Variants in EDA observed in about 807,000 individuals in gnomAD.
EDA encodes ectodysplasin A.
EDA carries 2 observed loss-of-function variants against 23.6 expected under a neutral mutation model. The observed-to-expected ratio is 0.08, with a 90% CI of 0.03 to 0.27. The LOEUF is 0.27. Among genes scored for constraint, EDA ranks in the 10% least tolerant of loss-of-function variants. The probability of loss-of-function intolerance (pLI) is 1.00; values close to 1 mark genes in which losing one functional copy is unlikely to be tolerated. For missense variants in EDA, 229 were observed against 324.2 expected (o/e 0.71, Z 2.26); for synonymous variants, 131 against 132.0 (o/e 0.99, Z 0.05).
rs1382629294 is a variant in EDA at position 69,616,188 on chromosome X, G to C, written c.-121G>C. On this transcript the variant is annotated 5_prime_UTR_variant, in exon 1 of 8. Transcript: ENST00000374552. ...CGTCCCGCCCAGCCACTGTCGCGCAGGAACGGGTCCCTGCAGCCCCCAGCC... is the reference window on the plus strand; with the variant it reads ...CGTCCCGCCCAGCCACTGTCGCGCACGAACGGGTCCCTGCAGCCCCCAGCC... 1 of 871,236 alleles carries C rather than the reference G, an allele frequency of 1.1e-6. No homozygotes were observed. The highest frequency in any genetic ancestry group is 3.4e-5 in the East Asian group (1 of 29,053). 71.8% of individuals were successfully genotyped at this position (871,236 alleles called of 1,213,427 possible). A position where few individuals can be genotyped will look rare whatever the true frequency, so the allele number is the denominator to read the frequency against.
chrX:69,771,715 A>G (rs992885517), intron 1 of EDA, among the ~76,000 whole-genome samples: 2 of 112,030 alleles, frequency 1.8e-5, no homozygotes, highest in African/African-American at 6.5e-5. Flanking sequence ...TAGATTGGGC[A>G]TATTTTTATG....
chrX:69,916,396 C>CTTTTTTTTTTT (rs782071176), intron 1 of EDA, among the ~76,000 whole-genome samples: 3 of 58,153 alleles, frequency 5.2e-5, no homozygotes, highest in Non-Finnish European at 9.0e-5. Context: ...CTCTACTGTT[C>CTTTTTTTTTTT]TTTTTTTTTT....
At chrX:69,721,575 T>G (rs1251307428) in intron 1 of EDA, among the ~76,000 whole-genome samples, 1 of 110,910 alleles carries the variant, frequency 9.0e-6, no homozygotes, top group African/African-American at 3.3e-5. Flanking sequence ...TCCCAATTGA[T>G]CCACCGTGCT....
chrX:69,932,767 ACTCT>A (rs1261905134), intron 1 of EDA, among the ~76,000 whole-genome samples: 1 of 111,144 alleles, frequency 9.0e-6, no homozygotes, highest in Non-Finnish European at 1.9e-5. Context: ...ATTACCTTTC[ACTCT>A]ATTAACTGTT....
chrX:69,804,965 G>T (rs1232943361), intron 1 of EDA, among the ~76,000 whole-genome samples: 1 of 111,253 alleles, frequency 9.0e-6, no homozygotes, highest in Non-Finnish European at 1.9e-5. Context: ...TGAGGAAACT[G>T]AGGATCAGAG....
At chrX:69,762,318 C>A (rs957218063) in intron 1 of EDA, among the ~76,000 whole-genome samples, 3 of 112,078 alleles carry the variant, frequency 2.7e-5, no homozygotes, top group African/African-American at 9.7e-5. Context: ...AAGTTGCAGA[C>A]ATTTTCTTTG....
intron 1 of EDA, among the ~76,000 whole-genome samples, chrX:69,733,482 C>T (rs2013122981): frequency 8.9e-6 from 1 of 111,919 alleles, no homozygotes; most frequent in Admixed American, 9.5e-5. Context: ...GGTACCAGTA[C>T]CATGCTGTTT....
At chrX:69,857,760 T>C (rs928817807) in intron 1 of EDA, among the ~76,000 whole-genome samples, 53 of 110,599 alleles carry the variant, frequency 4.8e-4, no homozygotes, top group African/African-American at 1.7e-3. Context: ...TTTTATCTAG[T>C]TCTGTGAAAA....
intron 1 of EDA, among the ~76,000 whole-genome samples, chrX:69,651,325 T>G (rs1396455248): frequency 9.0e-6 from 1 of 111,526 alleles, no homozygotes; most frequent in Non-Finnish European, 1.9e-5. Context: ...CTAGAATAGT[T>G]GGATGTTCTT....
chrX:69,836,033 T>A (rs1306426066), intron 1 of EDA, among the ~76,000 whole-genome samples: 1 of 112,225 alleles, frequency 8.9e-6, no homozygotes, highest in Non-Finnish European at 1.9e-5. Flanking sequence ...TGCCTGGGTA[T>A]CACCAGTGGA....
At chrX:69,968,335 G>A (rs1006588792) in intron 2 of EDA, among the ~76,000 whole-genome samples, 1 of 111,846 alleles carries the variant, frequency 8.9e-6, no homozygotes, top group Non-Finnish European at 1.9e-5. Flanking sequence ...TGTTTTGGAA[G>A]GTGAATGGGA....
chrX:69,787,418 G>T (rs1160152746), intron 1 of EDA, among the ~76,000 whole-genome samples: 5 of 106,230 alleles, frequency 4.7e-5, no homozygotes, highest in Non-Finnish European at 9.8e-5. Context: ...ATGATTTTGT[G>T]GTGGCTGGTA....
intron 1 of EDA, among the ~76,000 whole-genome samples, chrX:69,892,700 A>G (rs2017951897): frequency 8.9e-6 from 1 of 112,168 alleles, no homozygotes; most frequent in South Asian, 3.7e-4. Context: ...AATTTCAAAT[A>G]AAAGGTTGAA....
intron 1 of EDA, among the ~76,000 whole-genome samples, chrX:69,858,394 T>A (rs752845698): frequency 8.9e-6 from 1 of 112,066 alleles, no homozygotes; most frequent in Non-Finnish European, 1.9e-5. Flanking sequence ...TTTTTAGGTA[T>A]GCTTCTTCAA....
chrX:70,024,888 T>A (rs192140738), intron 3 of EDA, among the ~76,000 whole-genome samples: 1 of 112,350 alleles, frequency 8.9e-6, no homozygotes, highest in East Asian at 2.8e-4. Context: ...TAACACTACA[T>A]AGGGTATGTT....
chrX:69,802,883 G>A (rs190613869), intron 1 of EDA, among the ~76,000 whole-genome samples: 163 of 111,935 alleles, frequency 1.5e-3, no homozygotes, highest in African/African-American at 5.1e-3. Context: ...CACATTGTGT[G>A]TACATTGTTT....
chrX:69,683,653 T>C (rs771418779), intron 1 of EDA, among the ~76,000 whole-genome samples: 2 of 111,727 alleles, frequency 1.8e-5, no homozygotes, highest in Non-Finnish European at 3.8e-5. Flanking sequence ...AACGGCAGAC[T>C]GTGTCTTACT....
intron 1 of EDA, among the ~76,000 whole-genome samples, chrX:69,863,155 T>C (rs1274454660): frequency 9.1e-6 from 1 of 110,124 alleles, no homozygotes; most frequent in Non-Finnish European, 1.9e-5. Context: ...CTCCATCCTC[T>C]CTCTTGCCTC....
At chrX:69,622,537 C>T (rs948293403) in intron 1 of EDA, among the ~76,000 whole-genome samples, 1 of 111,567 alleles carries the variant, frequency 9.0e-6, no homozygotes, top group African/African-American at 3.3e-5. Flanking sequence ...AAGTTTTTTG[C>T]CCATTTTTCT....
Sources: allele counts gnomAD v4.1 joint callset (sites outside exome capture counted in the v4.1 genomes callset), GRCh38; gene constraint gnomAD v4.1.1; transcripts MANE v1.5; gene names NCBI Gene and HGNC (gene_info 2026-07-23, HGNC 2026-07-21).